The following MYBL1 variants were observed in gnomAD, a reference collection of about 807,000 sequenced individuals.
MYBL1 encodes the protein myb-related protein A.
MYBL1 carries 17 observed loss-of-function variants against 96.3 expected under a neutral mutation model. That is an observed-to-expected ratio of 0.18 (90% CI 0.12 to 0.26). The LOEUF is 0.26. Among genes scored for constraint, MYBL1 ranks in the 10% least tolerant of loss-of-function variants. The probability of loss-of-function intolerance (pLI) is 1.00; values close to 1 mark genes in which losing one functional copy is unlikely to be tolerated. For missense variants in MYBL1, 701 were observed against 882.9 expected, an observed-to-expected ratio of 0.79 and a Z score of 2.61; for synonymous variants, 282 against 292.7, an observed-to-expected ratio of 0.96 and a Z score of 0.37.
At chr8:66,580,657 A>G (rs915109103) in intron 8 of MYBL1, among the ~76,000 whole-genome samples, 7 of 152,206 alleles carry the variant, frequency 4.6e-5, no homozygotes, top group African/African-American at 1.4e-4. Context: ...ATTTCTCAAC[A>G]CTTCTACTCA....
intron 1 of MYBL1, among the ~76,000 whole-genome samples, chr8:66,604,844 A>C (rs1002176756): frequency 1.3e-5 from 2 of 152,228 alleles, no homozygotes; most frequent in African/African-American, 4.8e-5. Flanking sequence ...CTTTGAAAAC[A>C]TAAGTAGAGC....
At chr8:66,611,676 A>G (rs1810533331) in intron 1 of MYBL1, among the ~76,000 whole-genome samples, 1 of 152,212 alleles carries the variant, frequency 6.6e-6, no homozygotes, top group Non-Finnish European at 1.5e-5. Context: ...TTGTCCTATA[A>G]CTTACTTCAA....
At chr8:66,596,844 A>G (rs1452363513) in intron 5 of MYBL1, among the ~76,000 whole-genome samples, 1 of 152,164 alleles carries the variant, frequency 6.6e-6, no homozygotes, top group Admixed American at 6.5e-5. Context: ...TAGCCACATG[A>G]ATATATATAC....
At chr8:66,584,404 C>T (rs73248141) in intron 8 of MYBL1, among the ~76,000 whole-genome samples, 2,527 of 152,104 alleles carry the variant, frequency 0.017, 66 homozygotes, top group African/African-American at 0.057. Flanking sequence ...AAAAGGCATC[C>T]AAAATGGAAA....
rs543819188 is a variant in MYBL1, at chr8:66,587,043, A to G, written c.867+5397T>C. 1.8e-3 allele frequency among the ~76,000 whole-genome samples: 273 copies of G among 152,268 alleles called. 1 individual carries two copies. Among genetic ancestry groups the G allele is most frequent in the African/African-American group, 5.8e-3 (240 of 41,554 alleles). ...GTGGCTACTAGAGGAGAAGAAGGGGAGCCAAGGAAGGGAAGCGGAGAAGGG... is the reference window on the plus strand; with the variant it reads ...GTGGCTACTAGAGGAGAAGAAGGGGGGCCAAGGAAGGGAAGCGGAGAAGGG... On this transcript the variant is annotated intron_variant, in intron 8 of 15. Transcript: ENST00000522677.
chr8:66,565,968 A>G, intron 15 of MYBL1, 96 bp downstream of exon 15: 1 of 887,666 alleles, frequency 1.1e-6, no homozygotes, highest in Non-Finnish European at 1.7e-6. Flanking sequence ...TCAATTTTGA[A>G]TTTAAAAGAA....
Position 66,599,023 on chromosome 8 carries a change from T to C in MYBL1, c.291+27A>G, listed in dbSNP as rs759804064. On this transcript the variant is annotated intron_variant, in intron 4 of 15. Coordinates refer to ENST00000522677, the MANE Select transcript of MYBL1 (RefSeq NM_001080416.4). ...GAAAAAAGCTAGTCTACCTACATAG[T>C]GAATATAAAGAATATGAACACATTA... is the stretch of plus-strand genomic sequence containing the variant. 14 of 1,422,520 alleles carry C rather than the reference T, an allele frequency of 9.8e-6. No individual in the cohort carries two copies. In the African/African-American group the frequency reaches 2.0e-4, roughly 21 times the overall value. The allele number at this position is 1,422,520 out of a possible 1,614,324, so 88.1% of individuals were successfully genotyped here. A position where few individuals can be genotyped will look rare whatever the true frequency, so the allele number is the denominator to read the frequency against.
In MYBL1 at chr8:66,573,403, T is replaced by G; in HGVS notation, c.1574A>C (p.His525Pro). 1 of 1,612,312 alleles carries G rather than the reference T, an allele frequency of 6.2e-7. No individual in the cohort carries two copies. The highest frequency in any genetic ancestry group is 8.5e-7 in the Non-Finnish European group (1 of 1,179,304). ...GQKALITTPLHKETTPKDQKE... is the reference protein window; with the variant it reads ...GQKALITTPLPKETTPKDQKE... ...TTGATCTTTGGGAGTTGTTTCCTTA[T>G]GAAGAGGAGTTGTAATGAGAGCTTT... Residue 525 changes from histidine to proline, a missense_variant, in exon 11 of 16, where the codon CAT becomes CCT. Transcript: ENST00000522677.
chr8:66,606,984 G>A (rs911195263), intron 1 of MYBL1, among the ~76,000 whole-genome samples: 1 of 151,960 alleles, frequency 6.6e-6, no homozygotes, highest in Non-Finnish European at 1.5e-5. Context: ...GTAGAGACGG[G>A]GTTTCAGCAT....
At position 66,575,889 on chromosome 8, in the gene MYBL1, T is replaced by C. The variant is rs932020876; in HGVS notation, c.1470+118A>G. On this transcript the variant is annotated intron_variant, in intron 10 of 15. Coordinates refer to ENST00000522677, the MANE Select transcript of MYBL1 (RefSeq NM_001080416.4). ...AGAGTTCAGTATTCTCAAGTATACATTTAAACACATTATTTTTATATGTTA... is the reference window on the plus strand; with the variant it reads ...AGAGTTCAGTATTCTCAAGTATACACTTAAACACATTATTTTTATATGTTA... The C allele has an allele frequency of 1.6e-5, 17 of 1,056,002 alleles. No homozygotes were observed. The African/African-American group carries it at 2.1e-4, about 13-fold the overall frequency. The allele number at this position is 1,056,002 out of a possible 1,614,324, so 65.4% of individuals were successfully genotyped here.
Position 66,597,409 on chromosome 8 carries a change from C to T in MYBL1, c.433G>A (p.Glu145Lys), listed in dbSNP as rs775276655. The change falls in exon 5 of 16, where the codon GAG (glutamate) becomes AAG (lysine). Residue 145 changes from glutamate (E) to lysine (K), a missense_variant. By Grantham distance (56) the Glu-to-Lys change is moderately conservative. Around this residue, in one of 5 missense-constraint regions of MYBL1, gnomAD observed 37 missense variants for 135.0 expected, o/e 0.27. Transcript: ENST00000522677. ...GCTTCATAGATGATCCTGTCCTCCT[C>T]TTCTGTCCAGGAAGATTTCTTTACC... ...PEVKKSSWTE[E>K]EDRIIYEAHK... The T allele has an allele frequency of 6.2e-7, 1 of 1,612,864 alleles. No individual in the cohort carries two copies. The highest frequency in any genetic ancestry group is 8.5e-7 in the Non-Finnish European group (1 of 1,179,328).
intron 8 of MYBL1, among the ~76,000 whole-genome samples, chr8:66,590,762 G>A (rs1425271338): frequency 6.6e-6 from 1 of 152,094 alleles, no homozygotes; most frequent in African/African-American, 2.4e-5. Context: ...TTATTTAAAG[G>A]AAGGGTAGGA....
intron 9 of MYBL1, among the ~76,000 whole-genome samples, chr8:66,579,474 T>G (rs1002155708): frequency 1.3e-5 from 2 of 151,808 alleles, no homozygotes; most frequent in African/African-American, 4.8e-5. Flanking sequence ...CTGGCCAACA[T>G]GATGAAACCC....
At chr8:66,596,852 T>C (rs1006387091) in intron 5 of MYBL1, among the ~76,000 whole-genome samples, 1 of 152,174 alleles carries the variant, frequency 6.6e-6, no homozygotes, top group Admixed American at 6.5e-5. Flanking sequence ...TGAATATATA[T>C]ACTACTTCCA....
chr8:66,598,697 A>G (rs1293406306), intron 4 of MYBL1, among the ~76,000 whole-genome samples: 5 of 152,204 alleles, frequency 3.3e-5, no homozygotes, highest in African/African-American at 9.7e-5. Context: ...ATTAGATGTA[A>G]AAATAAAATG....
At chr8:66,580,988 G>C (rs1809188589) in intron 8 of MYBL1, among the ~76,000 whole-genome samples, 1 of 151,814 alleles carries the variant, frequency 6.6e-6, no homozygotes, top group African/African-American at 2.4e-5. Context: ...AGCCTCCCGG[G>C]TAGCTGGGAT....
chr8:66,575,850 C>A (rs923387466), intron 10 of MYBL1, among the ~76,000 whole-genome samples, 157 bp downstream of exon 10: 1 of 151,970 alleles, frequency 6.6e-6, no homozygotes. Flanking sequence ...TTGTGAGATA[C>A]TTTCTATTCT....
At chr8:66,585,604 GTGGTGGCAGGCA>G (rs1045394852) in intron 8 of MYBL1, among the ~76,000 whole-genome samples, 49 of 152,154 alleles carry the variant, frequency 3.2e-4, no homozygotes, top group African/African-American at 1.2e-3. Context: ...TTAGCTGGGC[GTGGTGGCAGGCA>G]CCTGTAATCC....
intron 2 of MYBL1, 77 bp from the exon 3 acceptor site, chr8:66,601,846 A>G (rs1810086213): frequency 9.0e-6 from 6 of 664,000 alleles, no homozygotes; most frequent in East Asian, 2.9e-5. Flanking sequence ...TAACTCTCCA[A>G]TTCTATTAAG....
Sources: gnomAD v4.1 joint callset for allele counts (sites outside exome capture counted in the v4.1 genomes callset) on GRCh38, gnomAD v4.1.1 for gene constraint, gnomAD v4.1.1 regional missense constraint, MANE v1.5 for transcripts, NCBI Gene and HGNC (gene_info 2026-07-23, HGNC 2026-07-21) for gene names.